The following SDK1 variants were observed in gnomAD, a reference collection of about 807,000 sequenced individuals.
The protein encoded by SDK1 is sidekick cell adhesion molecule 1.
Under a neutral mutation model 245.5 loss-of-function variants are expected in SDK1, and 157 were observed. The ratio of observed to expected loss-of-function variants is 0.64; its 90% CI spans 0.56 to 0.73. SDK1 has a LOEUF of 0.73. SDK1 is among the 30% of genes least tolerant of loss of function. The pLI, the probability that SDK1 is intolerant of heterozygous loss-of-function variation, is 0.00. For missense variants in SDK1, 3,583 were observed against 3,002.3 expected, an observed-to-expected ratio of 1.19 and a Z score of -4.52; for synonymous variants, 1,647 against 1,278.5, an observed-to-expected ratio of 1.29 and a Z score of -6.15.
chr7:4,153,130 G>C (rs945672549), intron 30 of SDK1, among the ~76,000 whole-genome samples: 17 of 152,104 alleles, frequency 1.1e-4, no homozygotes, highest in African/African-American at 3.1e-4. Context: ...GGATAGGTGC[G>C]GGGGTTCCAA....
intron 4 of SDK1, among the ~76,000 whole-genome samples, chr7:3,803,463 A>G (rs186727577): frequency 2.0e-5 from 3 of 151,806 alleles, no homozygotes; most frequent in Non-Finnish European, 4.4e-5. Flanking sequence ...AGGGCATGCC[A>G]CTGTGCCTGA....
intron 34 of SDK1, among the ~76,000 whole-genome samples, chr7:4,177,505 C>T (rs1782289906): frequency 6.6e-6 from 1 of 152,222 alleles, no homozygotes; most frequent in Admixed American, 6.5e-5. Flanking sequence ...TCTCAGAGGC[C>T]TTTGGTTACC....
In SDK1 at chr7:3,711,698, C is replaced by T. The variant is rs374582751; in HGVS notation, c.713+69593C>T. Among the ~76,000 whole-genome samples the T allele has an allele frequency of 2.6e-5, 4 of 152,114 alleles. No homozygotes were observed. The South Asian group carries it at 8.3e-4, about 32-fold the overall frequency. On this transcript the variant is annotated intron_variant, in intron 4 of 44. Transcript: ENST00000404826. The stretch of plus-strand genomic sequence containing the variant: ...ATGACTGTGGCTGTAGTATCATAAG[C>T]CAGGCAAAGGGTCAAGGCAGGGTGG...
Position 3,951,167 on chromosome 7 carries a change from T to A in SDK1, c.959+133T>A, listed in dbSNP as rs1225238041. 3 of 673,228 alleles carry A rather than the reference T, an allele frequency of 4.5e-6. No homozygotes were observed. In the African/African-American group the frequency reaches 5.4e-5, roughly 12 times the overall value. 41.7% of individuals were successfully genotyped at this position (673,228 alleles called of 1,614,324 possible). A position where few individuals can be genotyped will look rare whatever the true frequency, so the allele number is the denominator to read the frequency against. The stretch of plus-strand genomic sequence containing the variant: ...TGGTCTTGTTTGGCCGGGTGGGCCA[T>A]GAATACGAGATATGGGTAGATAAGG... On this transcript the variant is annotated intron_variant, in intron 6 of 44. Transcript: ENST00000404826.
In SDK1 at chr7:3,732,472, A is replaced by G. The variant is rs957096786; in HGVS notation, c.714-88978A>G. On this transcript the variant is annotated intron_variant, in intron 4 of 44. Transcript: ENST00000404826. ...GCTTTGTCCAATTCATATTTATAGCATTTGCATCCATCATCTCTTTAATAG... is the reference window on the plus strand; with the variant it reads ...GCTTTGTCCAATTCATATTTATAGCGTTTGCATCCATCATCTCTTTAATAG... Among the ~76,000 whole-genome samples, 23 of 152,188 alleles carry G rather than the reference A, an allele frequency of 1.5e-4. 1 individual carries two copies. The highest frequency in any genetic ancestry group is 8.8e-5 in the Non-Finnish European group (6 of 68,024).
intron 1 of SDK1, among the ~76,000 whole-genome samples, chr7:3,427,827 T>TTGTCTCTTAGATGTCGTTAG (rs1200209563): frequency 2.7e-4 from 41 of 149,624 alleles, no homozygotes; most frequent in South Asian, 6.4e-4. Context: ...CTGCACATCA[T>TTGTCTCTTAGATGTCGTTAG]TGTCTCTTAG....
At chr7:3,726,448 G>C (rs1779010368) in intron 4 of SDK1, among the ~76,000 whole-genome samples, 1 of 152,116 alleles carries the variant, frequency 6.6e-6, no homozygotes, top group Admixed American at 6.5e-5. Context: ...CAAATTTTGA[G>C]GCCCAACTCT....
chr7:3,581,399 C>G (rs972556345), intron 1 of SDK1, among the ~76,000 whole-genome samples: 2 of 152,132 alleles, frequency 1.3e-5, no homozygotes, highest in African/African-American at 4.8e-5. Context: ...ATGATAAAAG[C>G]TCAATATCAC....
At chr7:3,717,368 A>G (rs185643588) in intron 4 of SDK1, among the ~76,000 whole-genome samples, 2 of 152,324 alleles carry the variant, frequency 1.3e-5, no homozygotes, top group East Asian at 1.9e-4. Flanking sequence ...CTTAAAGGGA[A>G]TAAAGGAAAC....
intron 17 of SDK1, among the ~76,000 whole-genome samples, chr7:4,023,299 C>G (rs1462568410): frequency 3.3e-5 from 5 of 152,102 alleles, no homozygotes; most frequent in African/African-American, 1.2e-4. Context: ...AACGGTGACT[C>G]CATGACCTTT....
intron 31 of SDK1, among the ~76,000 whole-genome samples, chr7:4,161,366 G>A (rs765330131): frequency 6.6e-6 from 1 of 152,118 alleles, no homozygotes; most frequent in Non-Finnish European, 1.5e-5. Flanking sequence ...AAGTGACCTG[G>A]CATGATCATG....
intron 22 of SDK1, among the ~76,000 whole-genome samples, chr7:4,080,530 T>A (rs1780989136): frequency 6.6e-6 from 1 of 152,154 alleles, no homozygotes; most frequent in Non-Finnish European, 1.5e-5. Context: ...AGGGAACAAA[T>A]CCTATCTACC....
intron 4 of SDK1, among the ~76,000 whole-genome samples, chr7:3,684,416 A>T (rs1013556799): frequency 6.6e-6 from 1 of 152,216 alleles, no homozygotes; most frequent in Non-Finnish European, 1.5e-5. Flanking sequence ...AGGGGAGAGG[A>T]GTCAGTGCTT....
chr7:4,012,035 A>C lies in SDK1; in HGVS notation c.2280-60A>C, dbSNP rs1334430440. 4 of 1,326,134 alleles carry C rather than the reference A, an allele frequency of 3.0e-6. No homozygotes were observed. In the African/African-American group the frequency reaches 6.1e-5, roughly 20 times the overall value. 82.1% of individuals were successfully genotyped at this position (1,326,134 alleles called of 1,614,324 possible). On this transcript the variant is annotated intron_variant, in intron 15 of 44. Coordinates refer to ENST00000404826, the MANE Select transcript of SDK1 (RefSeq NM_152744.4). ...ATTCAGCAAGATAGATGAAATGCAAATGGGCCCCCGCTGTTTCTGGTACTC... is the reference window on the plus strand; with the variant it reads ...ATTCAGCAAGATAGATGAAATGCAACTGGGCCCCCGCTGTTTCTGGTACTC...
chr7:4,102,712 C>T (rs1006770804), intron 22 of SDK1, among the ~76,000 whole-genome samples: 1 of 152,052 alleles, frequency 6.6e-6, no homozygotes, highest in Non-Finnish European at 1.5e-5. Flanking sequence ...TTCCAGAGGC[C>T]GGATCTCATG....
intron 35 of SDK1, among the ~76,000 whole-genome samples, chr7:4,205,359 G>A (rs1784158175): frequency 6.6e-6 from 1 of 152,144 alleles, no homozygotes; most frequent in African/African-American, 2.4e-5. Flanking sequence ...AACCACAGCA[G>A]TCAGGAGTCC....
intron 20 of SDK1, among the ~76,000 whole-genome samples, chr7:4,076,727 C>G (rs1038263720): frequency 2.0e-5 from 3 of 152,176 alleles, no homozygotes; most frequent in Non-Finnish European, 4.4e-5. Flanking sequence ...CCCAGAGGCC[C>G]TGTCCTTATG....
At chr7:3,891,953 T>C (rs1357626944) in intron 5 of SDK1, among the ~76,000 whole-genome samples, 2 of 152,222 alleles carry the variant, frequency 1.3e-5, no homozygotes, top group Non-Finnish European at 2.9e-5. Flanking sequence ...AAAGGCATTC[T>C]ATAACACCAG....
intron 1 of SDK1, among the ~76,000 whole-genome samples, chr7:3,544,397 C>T (rs2128621310): frequency 6.6e-6 from 1 of 152,344 alleles, no homozygotes; most frequent in East Asian, 1.9e-4. Context: ...AGCATGGGGC[C>T]TGTAGAGGGC....
Sources: gnomAD v4.1 joint callset for allele counts (sites outside exome capture counted in the v4.1 genomes callset) on GRCh38, gnomAD v4.1.1 for gene constraint, MANE v1.5 for transcripts, NCBI Gene and HGNC (gene_info 2026-07-23, HGNC 2026-07-21) for gene names.